Variants in FNBP1 observed in about 807,000 individuals in gnomAD.
The protein encoded by FNBP1 is formin-binding protein 1.
FNBP1 carries 26 observed loss-of-function variants against 90.6 expected under a neutral mutation model. That is an observed-to-expected ratio of 0.29 (90% CI 0.21 to 0.40). The LOEUF is 0.40. Ranked by LOEUF, FNBP1 falls within the 10% of genes least tolerant of loss-of-function variation. FNBP1 has a pLI of 1.00. For missense variants in FNBP1, 635 were observed against 768.0 expected, an observed-to-expected ratio of 0.83 and a Z score of 2.05; for synonymous variants, 260 against 265.2, an observed-to-expected ratio of 0.98 and a Z score of 0.19.
At chr9:129,988,026 T>C (rs2052561947) in intron 2 of FNBP1, among the ~76,000 whole-genome samples, 1 of 152,034 alleles carries the variant, frequency 6.6e-6, no homozygotes, top group Non-Finnish European at 1.5e-5. Context: ...CTCAAATGTA[T>C]CAAAAGATGT....
At chr9:129,946,397 T>G (rs1384233730) in intron 6 of FNBP1, among the ~76,000 whole-genome samples, 1 of 152,198 alleles carries the variant, frequency 6.6e-6, no homozygotes, top group South Asian at 2.1e-4. Context: ...TCAGTGCTCA[T>G]GGTCAGATTT....
chr9:130,008,792 C>T (rs55829619), intron 1 of FNBP1, among the ~76,000 whole-genome samples: 1,764 of 152,276 alleles, frequency 0.012, 48 homozygotes, highest in African/African-American at 0.041. Context: ...AGCTGTCCTG[C>T]ATTCTTCTCA....
At chr9:130,039,014 T>C (rs1020535749) in intron 1 of FNBP1, among the ~76,000 whole-genome samples, 8 of 152,114 alleles carry the variant, frequency 5.3e-5, no homozygotes, top group African/African-American at 1.9e-4. Context: ...AACATTCAAA[T>C]GTAAGCAACT....
At chr9:129,993,329 T>A (rs1297268803) in intron 2 of FNBP1, among the ~76,000 whole-genome samples, 2 of 151,792 alleles carry the variant, frequency 1.3e-5, no homozygotes, top group African/African-American at 4.8e-5. Context: ...CCAATTCAAC[T>A]ACAACTATAC....
rs1468143423 is a variant in FNBP1, at chr9:130,026,222, C to CG, written c.24+16729dup. Among the ~76,000 whole-genome samples, 4 of 152,048 alleles carry CG rather than the reference C, an allele frequency of 2.6e-5. No individual in the cohort carries two copies. In the South Asian group the frequency reaches 8.3e-4, roughly 32 times the overall value. ...TAAGAATGAGAAAATTGGCCAGGCA[C>CG]GGTGGCTCATACCTGTAATCCCAGA... is the stretch of plus-strand genomic sequence containing the variant. On this transcript the variant is annotated intron_variant, in intron 1 of 16. Coordinates refer to ENST00000446176, the MANE Select transcript of FNBP1 (RefSeq NM_015033.3).
At chr9:129,936,934 C>A (rs912500252) in intron 6 of FNBP1, among the ~76,000 whole-genome samples, 1 of 152,182 alleles carries the variant, frequency 6.6e-6, no homozygotes, top group African/African-American at 2.4e-5. Context: ...CTTTGGGAGG[C>A]TGAGGCAGGT....
At chr9:129,993,043 A>G (rs1301813501) in intron 2 of FNBP1, among the ~76,000 whole-genome samples, 2 of 151,090 alleles carry the variant, frequency 1.3e-5, no homozygotes, top group African/African-American at 2.4e-5. Context: ...CCTGGCCAAC[A>G]TGGTGAAACA....
At chr9:129,905,879 C>CTTTTTTTTTTTTTTTT (rs35439760) in intron 12 of FNBP1, among the ~76,000 whole-genome samples, 1 of 145,394 alleles carries the variant, frequency 6.9e-6, no homozygotes. Context: ...AGGCATATTT[C>CTTTTTTTTTTTTTTTT]TTTTTTTTTT....
chr9:130,007,250 A>AAAG (rs1554852412), intron 1 of FNBP1, among the ~76,000 whole-genome samples: 2 of 148,842 alleles, frequency 1.3e-5, no homozygotes, highest in Non-Finnish European at 3.0e-5. Flanking sequence ...AAAAAAAAAA[A>AAAG]AAAAAAAGAA....
intron 16 of FNBP1, among the ~76,000 whole-genome samples, chr9:129,894,197 C>A (rs998872190): frequency 6.6e-6 from 1 of 152,046 alleles, no homozygotes. Context: ...TCTGACCCAA[C>A]ACCTTCATTC....
At chr9:129,987,271 C>T (rs1295506682) in intron 2 of FNBP1, among the ~76,000 whole-genome samples, 1 of 151,930 alleles carries the variant, frequency 6.6e-6, no homozygotes, top group Non-Finnish European at 1.5e-5. Context: ...TTCCTTAATG[C>T]CAAGAGTCAA....
In FNBP1 at chr9:129,888,598, G is replaced by A. The variant is rs376511515; in HGVS notation, c.*1941C>T. ...CCATGGCTCTGCCGCAACCCTGAGCGGTTTGCAGTCCCCCCCGGGGAAGAA... is the reference window on the plus strand; with the variant it reads ...CCATGGCTCTGCCGCAACCCTGAGCAGTTTGCAGTCCCCCCCGGGGAAGAA... On this transcript the variant is annotated 3_prime_UTR_variant, in exon 17 of 17. Transcript: ENST00000446176. 1.7e-5 allele frequency: 4 copies of A among 233,042 alleles called. No individual in the cohort carries two copies. The highest frequency in any genetic ancestry group is 1.8e-4 in the South Asian group (1 of 5,538). The allele number at this position is 233,042 out of a possible 1,614,324, so 14.4% of individuals were successfully genotyped here.
intron 15 of FNBP1, among the ~76,000 whole-genome samples, chr9:129,898,399 T>C (rs374961425): frequency 1.3e-5 from 2 of 152,130 alleles, no homozygotes; most frequent in African/African-American, 4.8e-5. Flanking sequence ...CCCCATGCCA[T>C]GGCAAGTTCT....
intron 6 of FNBP1, among the ~76,000 whole-genome samples, chr9:129,948,517 A>C (rs2045690084): frequency 6.6e-6 from 1 of 151,014 alleles, no homozygotes; most frequent in Non-Finnish European, 1.5e-5. Flanking sequence ...GGCATGAGCC[A>C]CCACATTCAG....
chr9:129,999,675 A>G (rs1433377650), intron 1 of FNBP1, among the ~76,000 whole-genome samples: 1 of 152,158 alleles, frequency 6.6e-6, no homozygotes, highest in African/African-American at 2.4e-5. Context: ...TCAATCAGAA[A>G]TTTAAAATGG....
intron 12 of FNBP1, among the ~76,000 whole-genome samples, chr9:129,908,601 G>A (rs937084720): frequency 1.3e-4 from 19 of 151,798 alleles, no homozygotes; most frequent in African/African-American, 4.1e-4. Context: ...TGCCCAGGCT[G>A]GAGTGAAGTG....
At position 129,923,969 on chromosome 9, in the gene FNBP1, A is replaced by T; in HGVS notation, c.1045T>A (p.Ser349Thr). The T allele has an allele frequency of 7.2e-7, 1 of 1,396,760 alleles. No homozygotes were observed. Among genetic ancestry groups the T allele is most frequent in the Non-Finnish European group, 9.4e-7 (1 of 1,066,192 alleles). The allele number at this position is 1,396,760 out of a possible 1,614,324, so 86.5% of individuals were successfully genotyped here. ...GGGCCGTTGGGAACAGCAGAGGGTG[A>T]GGCAGAGGCAGGAGGGGGAGGGGGA... ...QPPPPPPASASPSAVPNGPQS... is the reference protein window; with the variant it reads ...QPPPPPPASATPSAVPNGPQS... Residue 349 changes from serine (S) to threonine (T), a missense_variant, in exon 10 of 17, where the codon TCA (serine) becomes ACA (threonine). By Grantham distance (58) the Ser-to-Thr change is moderately conservative (BLOSUM62 1). Transcript: ENST00000446176.
intron 6 of FNBP1, among the ~76,000 whole-genome samples, chr9:129,948,194 AT>A (rs1564405132): frequency 6.6e-6 from 1 of 151,856 alleles, no homozygotes; most frequent in African/African-American, 2.4e-5. Flanking sequence ...GATCACTTGA[AT>A]CCACGAGGTT....
At chr9:129,905,516 G>T (rs2037855958) in intron 12 of FNBP1, among the ~76,000 whole-genome samples, 1 of 152,036 alleles carries the variant, frequency 6.6e-6, no homozygotes, top group African/African-American at 2.4e-5. Flanking sequence ...TGCCATGTTG[G>T]CCAAGCTGGT....
Sources: gnomAD v4.1 joint callset for allele counts (sites outside exome capture counted in the v4.1 genomes callset) on GRCh38, gnomAD v4.1.1 for gene constraint, MANE v1.5 for transcripts, NCBI Gene and HGNC (gene_info 2026-07-23, HGNC 2026-07-21) for gene names.